KCNG2: variants seen among roughly 807,000 people sequenced by gnomAD.
KCNG2 encodes potassium voltage-gated channel modifier subfamily G member 2.
In KCNG2, 7 loss-of-function variants were observed where a neutral mutation model predicts 12.3. The ratio of observed to expected loss-of-function variants is 0.57; its 90% CI spans 0.32 to 1.07. KCNG2 has a LOEUF of 1.07. KCNG2 is among the 50% of genes least tolerant of loss of function. The probability of loss-of-function intolerance (pLI) is 0.04; values close to 1 mark genes in which losing one functional copy is unlikely to be tolerated. For missense variants in KCNG2, 703 were observed against 726.0 expected, an observed-to-expected ratio of 0.97 and a Z score of 0.36; for synonymous variants, 414 against 351.4, an observed-to-expected ratio of 1.18 and a Z score of -1.99.
chr18:79,889,504 TCTTC>T (rs1308379919), intron 3 of KCNG2, among the ~76,000 whole-genome samples: 1 of 152,236 alleles, frequency 6.6e-6, no homozygotes, highest in African/African-American at 2.4e-5. Context: ...CTGATGCATT[TCTTC>T]CTTTTGATGC....
intron 3 of KCNG2, 44 bp from the exon 4 acceptor site, chr18:79,898,996 C>T (rs1426372554): frequency 4.2e-6 from 6 of 1,418,102 alleles, no homozygotes; most frequent in South Asian, 1.4e-5. Flanking sequence ...CCCCGGCCCT[C>T]CAAGAGGCCT....
chr18:79,899,875 C>T lies in KCNG2; in HGVS notation c.*59C>T, dbSNP rs974234887. 4.2e-5 allele frequency: 54 copies of T among 1,283,098 alleles called. No individual in the cohort carries two copies. The highest frequency in any genetic ancestry group is 1.6e-4 in the East Asian group (5 of 30,494). The allele number at this position is 1,283,098 out of a possible 1,614,324, so 79.5% of individuals were successfully genotyped here. Reference sequence around the variant, plus strand: ...CCTCCAGCTGCAGCGTCGGGACCCCCGAGGTGCGCCAAGGGGTGGGGGGCG... The same window carrying T: ...CCTCCAGCTGCAGCGTCGGGACCCCTGAGGTGCGCCAAGGGGTGGGGGGCG... On this transcript the variant is annotated 3_prime_UTR_variant, in exon 4 of 4. Transcript: ENST00000316249.
chr18:79,818,888 C>T (rs953477890), intron 1 of KCNG2, among the ~76,000 whole-genome samples: 1 of 152,084 alleles, frequency 6.6e-6, no homozygotes, highest in African/African-American at 2.4e-5. Context: ...CATGAAGAGC[C>T]GAAGGTCCGC....
intron 1 of KCNG2, among the ~76,000 whole-genome samples, chr18:79,807,941 T>G (rs71361466): frequency 2.5e-5 from 2 of 80,282 alleles, no homozygotes; most frequent in African/African-American, 5.8e-5. Flanking sequence ...CCCAGAGTCC[T>G]CGCCCTGAGG....
intron 1 of KCNG2, among the ~76,000 whole-genome samples, chr18:79,853,778 G>C (rs1316531297): frequency 6.6e-6 from 1 of 152,252 alleles, no homozygotes; most frequent in Admixed American, 6.5e-5. Flanking sequence ...CTCAACATCT[G>C]TGCTGGGGGG....
rs527542666 is a variant in KCNG2, at chr18:79,857,742, C to T, written c.-41+1290C>T. On this transcript the variant is annotated intron_variant, in intron 2 of 3. Transcript: ENST00000316249. ...TGTTACTGGATCCCCCCGAGACCTA[C>T]TCACTCAGAATGATTTTTATAAATG... Among the ~76,000 whole-genome samples the T allele has an allele frequency of 1.1e-4, 16 of 152,242 alleles. No homozygotes were observed. The Middle Eastern group carries it at 0.01, about 97-fold the overall frequency.
intron 1 of KCNG2, among the ~76,000 whole-genome samples, chr18:79,854,687 G>A (rs1019225950): frequency 5.3e-5 from 8 of 152,152 alleles, no homozygotes; most frequent in East Asian, 1.9e-4. Flanking sequence ...CACCACGCCC[G>A]GCTAATTTTT....
chr18:79,868,236 C>A (rs1568263796), intron 3 of KCNG2, among the ~76,000 whole-genome samples: 1 of 152,224 alleles, frequency 6.6e-6, no homozygotes, highest in Non-Finnish European at 1.5e-5. Context: ...AGGGACAACC[C>A]TGGGCTCCGT....
chr18:79,817,525 A>G (rs1203395940), intron 1 of KCNG2, among the ~76,000 whole-genome samples: 2 of 152,100 alleles, frequency 1.3e-5, no homozygotes, highest in African/African-American at 4.8e-5. Context: ...GCTGCACATG[A>G]TTATCACATA....
chr18:79,813,970 A>T (rs138881327), intron 1 of KCNG2, among the ~76,000 whole-genome samples: 25 of 152,348 alleles, frequency 1.6e-4, no homozygotes, highest in African/African-American at 5.5e-4. Flanking sequence ...TTCACTGTGG[A>T]AAACTCATGG....
chr18:79,900,095 G>A lies in KCNG2; in HGVS notation c.*279G>A, dbSNP rs935644563. The A allele has an allele frequency of 9.3e-6, 3 of 324,044 alleles. No homozygotes were observed. Among genetic ancestry groups the A allele is most frequent in the South Asian group, 1.5e-4 (1 of 6,484 alleles). The allele number at this position is 324,044 out of a possible 1,614,324, so 20.1% of individuals were successfully genotyped here. On this transcript the variant is annotated 3_prime_UTR_variant, in exon 4 of 4. Coordinates refer to ENST00000316249, the MANE Select transcript of KCNG2 (RefSeq NM_012283.2). Reference sequence around the variant, plus strand: ...AGCTAAAAATAAATTTAGTAAGTCCGAGAGATTCCACGCCTGCTGTGGATG... The same window carrying A: ...AGCTAAAAATAAATTTAGTAAGTCCAAGAGATTCCACGCCTGCTGTGGATG...
chr18:79,873,793 C>A (rs1979959967), intron 3 of KCNG2, among the ~76,000 whole-genome samples: 1 of 152,230 alleles, frequency 6.6e-6, no homozygotes, highest in Non-Finnish European at 1.5e-5. Context: ...CCTCACTGGG[C>A]CAGGAGGCGC....
In KCNG2 at chr18:79,807,235, G is replaced by A. The variant is rs537230774; in HGVS notation, c.-115+9221G>A. ...CTCAGGGATACTGGGAGCTCGTCGC[G>A]TAGTCTGATGTTTTTGCATGAAAGT... On this transcript the variant is annotated intron_variant, in intron 1 of 3. Coordinates refer to ENST00000316249, the MANE Select transcript of KCNG2 (RefSeq NM_012283.2). 7.2e-4 allele frequency among the ~76,000 whole-genome samples: 109 copies of A among 152,290 alleles called. 1 individual carries two copies. Among genetic ancestry groups the A allele is most frequent in the African/African-American group, 2.4e-3 (99 of 41,554 alleles).
intron 3 of KCNG2, among the ~76,000 whole-genome samples, chr18:79,898,477 A>G (rs144350069): frequency 6.6e-5 from 10 of 152,282 alleles, no homozygotes; most frequent in Non-Finnish European, 1.3e-4. Context: ...CGGACTCCCC[A>G]AGGACGTAGC....
rs570662701 is a variant in KCNG2, at chr18:79,891,417, G to A, written c.625-7623G>A. 2.0e-5 allele frequency among the ~76,000 whole-genome samples: 3 copies of A among 152,132 alleles called. No individual in the cohort carries two copies. The South Asian group carries it at 6.2e-4, about 32-fold the overall frequency. On this transcript the variant is annotated intron_variant, in intron 3 of 3. Coordinates refer to ENST00000316249, the MANE Select transcript of KCNG2 (RefSeq NM_012283.2). ...AGCTAATTTTTGTATGTCTCGTAGA[G>A]ATGGGGTTTCACCATGTTGCCCAGG...
chr18:79,891,893 T>C (rs976981616), intron 3 of KCNG2, among the ~76,000 whole-genome samples: 1 of 152,196 alleles, frequency 6.6e-6, no homozygotes, highest in Non-Finnish European at 1.5e-5. Flanking sequence ...TGGCTTATGG[T>C]GGTGTTCACA....
At chr18:79,830,847 C>T (rs545753498) in intron 1 of KCNG2, among the ~76,000 whole-genome samples, 3 of 137,328 alleles carry the variant, frequency 2.2e-5, no homozygotes, top group Non-Finnish European at 4.8e-5. Context: ...GCGTTCTCTG[C>T]GGACAGAGCC....
intron 1 of KCNG2, among the ~76,000 whole-genome samples, chr18:79,821,432 G>A (rs1018931646): frequency 6.6e-6 from 1 of 151,890 alleles, no homozygotes; most frequent in African/African-American, 2.4e-5. Context: ...TGGGATTACA[G>A]GCACCCACCA....
At chr18:79,851,848 G>A (rs2123049755) in intron 1 of KCNG2, among the ~76,000 whole-genome samples, 1 of 152,302 alleles carries the variant, frequency 6.6e-6, no homozygotes, top group East Asian at 1.9e-4. Flanking sequence ...ATGAGTGTGT[G>A]TGCACGTGTG....
Sources: gnomAD v4.1 joint callset for allele counts (sites outside exome capture counted in the v4.1 genomes callset) on GRCh38, gnomAD v4.1.1 for gene constraint, MANE v1.5 for transcripts, NCBI Gene and HGNC (gene_info 2026-07-23, HGNC 2026-07-21) for gene names.